The following ZFHX3 variants were observed in gnomAD, a reference collection of about 807,000 sequenced individuals.
ZFHX3 encodes zinc finger homeobox 3.
Under a neutral mutation model 279.1 loss-of-function variants are expected in ZFHX3, and 42 were observed. The ratio of observed to expected loss-of-function variants is 0.15; its 90% CI spans 0.12 to 0.19. ZFHX3 has a LOEUF of 0.19. Among genes scored for constraint, ZFHX3 ranks in the 10% least tolerant of loss-of-function variants. The probability of loss-of-function intolerance (pLI) is 1.00; values close to 1 mark genes in which losing one functional copy is unlikely to be tolerated. For synonymous variants in ZFHX3, 2,293 were observed against 1,957.8 expected, an observed-to-expected ratio of 1.17 and a Z score of -4.52; for missense variants, 4,981 against 4,754.0, an observed-to-expected ratio of 1.05 and a Z score of -1.40.
chr16:73,600,829 G>A (rs557253614), intron 2 of ZFHX3, among the ~76,000 whole-genome samples: 1 of 152,184 alleles, frequency 6.6e-6, no homozygotes, highest in African/African-American at 2.4e-5. Context: ...CAGAAGAGTA[G>A]GCACATACCC....
At chr16:73,091,103 C>T (rs946117298) in intron 8 of ZFHX3, among the ~76,000 whole-genome samples, 1 of 150,216 alleles carries the variant, frequency 6.7e-6, no homozygotes, top group Non-Finnish European at 1.5e-5. Flanking sequence ...CCCAGCTACT[C>T]GGGAGGCTGA....
intron 1 of ZFHX3, among the ~76,000 whole-genome samples, chr16:72,999,927 G>C (rs796736751): frequency 1.3e-5 from 2 of 152,214 alleles, no homozygotes; most frequent in Non-Finnish European, 2.9e-5. Flanking sequence ...GGGCAACCCG[G>C]GGAAAATGGA....
chr16:73,693,279 G>A (rs1182231939), intron 1 of ZFHX3, among the ~76,000 whole-genome samples: 3 of 152,080 alleles, frequency 2.0e-5, no homozygotes, highest in Non-Finnish European at 4.4e-5. Context: ...CAGAAAATTT[G>A]CACATACACA....
rs116427469 is a variant in ZFHX3 at position 73,844,845 on chromosome 16, G to C, written c.-1608+46806C>G. 4.0e-3 allele frequency among the ~76,000 whole-genome samples: 581 copies of C among 146,602 alleles called. 1 individual carries two copies. Among genetic ancestry groups the C allele is most frequent in the African/African-American group, 0.015 (562 of 37,020 alleles). On this transcript the variant is annotated intron_variant, in intron 1 of 17. Coordinates refer to the ZFHX3 transcript ENST00000641206. ...AGATGGTAGACGGATGGATGGGATT[G>C]ATAGATGGATAGGTAGGTAGGTAGG...
At chr16:73,564,251 C>G (rs80305184) in intron 2 of ZFHX3, among the ~76,000 whole-genome samples, 1 of 152,196 alleles carries the variant, frequency 6.6e-6, no homozygotes, top group Non-Finnish European at 1.5e-5. Flanking sequence ...CCATCATCCT[C>G]GCTCTCTGCA....
chr16:73,082,656 A>T (rs1227178388), intron 8 of ZFHX3, among the ~76,000 whole-genome samples: 2 of 152,080 alleles, frequency 1.3e-5, no homozygotes, highest in African/African-American at 4.8e-5. Context: ...TGAATACTGG[A>T]AGACTAAGCT....
rs906197415 is a variant in ZFHX3 at position 73,666,285 on chromosome 16, C to T, written c.-1547+13895G>A. ...ATAGCAGAGAAGTTACATGGGATCA[C>T]ATCATGTCATATTCATGTCTCAAAA... is the stretch of plus-strand genomic sequence containing the variant. On this transcript the variant is annotated intron_variant, in intron 2 of 17. Transcript: ENST00000641206. Among the ~76,000 whole-genome samples, 17 of 152,018 alleles carry T rather than the reference C, an allele frequency of 1.1e-4. 1 individual carries two copies. Among genetic ancestry groups the T allele is most frequent in the Admixed American group, 1.1e-3 (17 of 15,282 alleles).
At chr16:73,091,552 A>G (rs1966082622) in intron 8 of ZFHX3, among the ~76,000 whole-genome samples, 1 of 152,222 alleles carries the variant, frequency 6.6e-6, no homozygotes, top group African/African-American at 2.4e-5. Flanking sequence ...CTAGCATCTC[A>G]GAGACTGAGC....
chr16:73,112,833 C>T (rs920076524), intron 7 of ZFHX3, among the ~76,000 whole-genome samples: 2 of 151,736 alleles, frequency 1.3e-5, no homozygotes, highest in South Asian at 2.1e-4. Context: ...TCCTCTGCAT[C>T]CAGGGAGGAG....
chr16:73,017,557 G>A (rs552729798), intron 1 of ZFHX3, among the ~76,000 whole-genome samples: 4 of 152,070 alleles, frequency 2.6e-5, no homozygotes, highest in Non-Finnish European at 4.4e-5. Flanking sequence ...CTGCCGTCAC[G>A]ACTAAATAAT....
chr16:73,858,458 T>C (rs1166617581), intron 1 of ZFHX3, among the ~76,000 whole-genome samples: 3 of 152,208 alleles, frequency 2.0e-5, no homozygotes, highest in Non-Finnish European at 2.9e-5. Flanking sequence ...AAACTACATT[T>C]GCCATTTTGA....
At chr16:73,040,760 G>C (rs981090453) in intron 1 of ZFHX3, among the ~76,000 whole-genome samples, 2 of 152,194 alleles carry the variant, frequency 1.3e-5, no homozygotes, top group Non-Finnish European at 2.9e-5. Context: ...AAATGAAAAG[G>C]GCGTGGAGAT....
chr16:72,999,698 C>T (rs1380482183), intron 1 of ZFHX3, among the ~76,000 whole-genome samples: 1 of 152,348 alleles, frequency 6.6e-6, no homozygotes, highest in Non-Finnish European at 1.5e-5. Flanking sequence ...AGACATGGGA[C>T]AGCCTTCGAT....
chr16:73,254,819 A>G (rs183548804), intron 5 of ZFHX3, among the ~76,000 whole-genome samples: 2 of 152,294 alleles, frequency 1.3e-5, no homozygotes, highest in Admixed American at 6.5e-5. Flanking sequence ...AGACACATAA[A>G]TAAAGCTGCA....
At chr16:73,818,061 G>T (rs74028499) in intron 1 of ZFHX3, among the ~76,000 whole-genome samples, 1 of 152,106 alleles carries the variant, frequency 6.6e-6, no homozygotes, top group Non-Finnish European at 1.5e-5. Flanking sequence ...GAGAGGCCAG[G>T]GTAAATTTAT....
chr16:73,251,726 GCACA>G (rs2013497128), intron 5 of ZFHX3, among the ~76,000 whole-genome samples: 2 of 92,816 alleles, frequency 2.2e-5, no homozygotes, highest in Admixed American at 1.1e-4. Flanking sequence ...CACCACACAC[GCACA>G]CACCATGCAC....
intron 1 of ZFHX3, among the ~76,000 whole-genome samples, chr16:73,695,461 GA>G (rs2142211533): frequency 6.6e-6 from 1 of 152,196 alleles, no homozygotes; most frequent in South Asian, 2.1e-4. Flanking sequence ...GATAGATGAA[GA>G]AACAGCTTTG....
intron 8 of ZFHX3, among the ~76,000 whole-genome samples, chr16:73,085,096 C>G (rs754691265): frequency 2.6e-5 from 4 of 152,042 alleles, no homozygotes; most frequent in Admixed American, 6.6e-5. Flanking sequence ...ACATGAACAA[C>G]AAGAACAAAG....
intron 3 of ZFHX3, among the ~76,000 whole-genome samples, chr16:73,419,597 C>A (rs896612545): frequency 3.9e-5 from 6 of 152,072 alleles, no homozygotes; most frequent in Admixed American, 1.3e-4. Context: ...CCTTTGCTAG[C>A]ATTTACTATA....
Sources: gnomAD v4.1 joint callset for allele counts (sites outside exome capture counted in the v4.1 genomes callset) on GRCh38, gnomAD v4.1.1 for gene constraint, MANE v1.5 for transcripts, NCBI Gene and HGNC (gene_info 2026-07-23, HGNC 2026-07-21) for gene names.